Variants in INTS10 observed in about 807,000 individuals in gnomAD.
The protein encoded by INTS10 is integrator complex subunit 10.
In INTS10, 44 loss-of-function variants were observed where a neutral mutation model predicts 94.4. The ratio of observed to expected loss-of-function variants is 0.47; its 90% CI spans 0.37 to 0.60. The LOEUF (loss-of-function observed/expected upper bound fraction) is 0.60, where lower values mean the gene tolerates loss of function less well. Ranked by LOEUF, INTS10 falls within the 20% of genes least tolerant of loss-of-function variation. The probability of loss-of-function intolerance (pLI) is 0.00; values close to 1 mark genes in which losing one functional copy is unlikely to be tolerated. For missense variants in INTS10, 797 were observed against 868.7 expected, an observed-to-expected ratio of 0.92 and a Z score of 1.04; for synonymous variants, 341 against 320.7, an observed-to-expected ratio of 1.06 and a Z score of -0.68.
chr8:19,847,976 G>A (rs2068718194), intron 16 of INTS10, among the ~76,000 whole-genome samples: 1 of 152,204 alleles, frequency 6.6e-6, no homozygotes, highest in Admixed American at 6.5e-5. Context: ...AGTTTCATCA[G>A]TTTGGAAGCA....
chr8:19,849,323 A>G lies in INTS10; in HGVS notation c.1977-2326A>G, dbSNP rs1029365687. Reference sequence around the variant, plus strand: ...CATGGTTCTCAGCTCTTCGTTCCTCAGTGCTCTTTTTCATGCTTTCTTTCT... The same window carrying G: ...CATGGTTCTCAGCTCTTCGTTCCTCGGTGCTCTTTTTCATGCTTTCTTTCT... On this transcript the variant is annotated intron_variant, in intron 16 of 16. Coordinates refer to ENST00000397977, the MANE Select transcript of INTS10 (RefSeq NM_018142.4). This position sits in a 1 kb window ranked among gnomAD's most constrained non-coding sequence, Gnocchi z 4.6. 4.5e-5 allele frequency: 24 copies of G among 527,530 alleles called. No homozygotes were observed. The highest frequency in any genetic ancestry group is 1.5e-4 in the Admixed American group (5 of 32,644). The allele number at this position is 527,530 out of a possible 1,614,324, so 32.7% of individuals were successfully genotyped here. A position where few individuals can be genotyped will look rare whatever the true frequency, so the allele number is the denominator to read the frequency against.
chr8:19,844,511 C>T (rs2128807464), intron 15 of INTS10, among the ~76,000 whole-genome samples: 1 of 152,286 alleles, frequency 6.6e-6, no homozygotes, highest in East Asian at 1.9e-4. Context: ...CCAGTAATAG[C>T]CTACAGGTTG....
At chr8:19,825,966 G>T (rs1279657930) in intron 8 of INTS10, among the ~76,000 whole-genome samples, 1 of 152,130 alleles carries the variant, frequency 6.6e-6, no homozygotes, top group Non-Finnish European at 1.5e-5. Context: ...GCATATACTT[G>T]TTTGTTTACC....
At chr8:19,833,461 G>A in intron 12 of INTS10, 140 bp downstream of exon 12, 2 of 543,726 alleles carry the variant, frequency 3.7e-6, no homozygotes, top group Non-Finnish European at 2.8e-6. Flanking sequence ...TAATCTGCTA[G>A]TGAACATCAC....
At chr8:19,826,135 A>G (rs1052629961) in intron 8 of INTS10, among the ~76,000 whole-genome samples, 12 of 152,102 alleles carry the variant, frequency 7.9e-5, no homozygotes, top group Non-Finnish European at 1.6e-4. Context: ...GCTGGAGTGC[A>G]GTGGCGTGAT....
intron 5 of INTS10, among the ~76,000 whole-genome samples, 169 bp downstream of exon 5, chr8:19,822,689 C>T (rs551650068): frequency 3.6e-4 from 54 of 151,942 alleles, no homozygotes; most frequent in African/African-American, 1.2e-3. Flanking sequence ...CGGTGGCTCA[C>T]GCCTGTAATC....
Position 19,832,115 on chromosome 8 carries a change from A to G in INTS10, c.1377+5A>G, listed in dbSNP as rs377349159. 3.4e-6 allele frequency: 5 copies of G among 1,491,052 alleles called. No individual in the cohort carries two copies. In the African/African-American group the frequency reaches 5.5e-5, roughly 16 times the overall value. The allele number at this position is 1,491,052 out of a possible 1,614,324, so 92.4% of individuals were successfully genotyped here. On this transcript the variant is annotated splice_donor_5th_base_variant and intron_variant, in intron 11 of 16. Transcript: ENST00000397977. Reference sequence around the variant, plus strand: ...ACTGATATGATCATCTATCAGGTAGAGTATTATACATATTTTAGGTACCTG... The same window carrying G: ...ACTGATATGATCATCTATCAGGTAGGGTATTATACATATTTTAGGTACCTG...
chr8:19,832,249 G>T, intron 11 of INTS10, 139 bp downstream of exon 11: 1 of 618,802 alleles, frequency 1.6e-6, no homozygotes, highest in East Asian at 2.8e-5. Context: ...GTTTTCAGTG[G>T]CTGAGGGGGT....
At position 19,830,410 on chromosome 8, in the gene INTS10, C is replaced by T. The variant is rs752343124; in HGVS notation, c.1145C>T (p.Ser382Leu). 1.2e-6 allele frequency: 2 copies of T among 1,612,510 alleles called. No homozygotes were observed. Among genetic ancestry groups the T allele is most frequent in the Non-Finnish European group, 1.7e-6 (2 of 1,179,430 alleles). Residue 382 changes from serine to leucine, a missense_variant, in exon 10 of 17, where the codon TCA (serine) becomes TTA (leucine). Ser to Leu is a moderately radical substitution (Grantham distance 145). Coordinates refer to ENST00000397977, the MANE Select transcript of INTS10 (RefSeq NM_018142.4). ...TTCTCCACATTCTTTAAGCAGAGTT[C>T]AGACGATGAAGACTGTTCGGCGAAA... ...LAEGREKTMS[S>L]DDEDCSAKGR...
At chr8:19,850,605 T>G (rs1307797764) in intron 16 of INTS10, among the ~76,000 whole-genome samples, 1 of 152,208 alleles carries the variant, frequency 6.6e-6, no homozygotes, top group Non-Finnish European at 1.5e-5. Flanking sequence ...TTTAACACTT[T>G]TATCTTGCCC....
chr8:19,833,424 T>G, intron 12 of INTS10, 103 bp downstream of exon 12: 1 of 772,700 alleles, frequency 1.3e-6, no homozygotes, highest in East Asian at 3.3e-5. Flanking sequence ...TTATTTCAAT[T>G]TGATCTTTCT....
At chr8:19,837,312 A>G (rs2067741679) in intron 13 of INTS10, 152 bp downstream of exon 13, 2 of 605,798 alleles carry the variant, frequency 3.3e-6, no homozygotes, top group East Asian at 5.5e-5. Context: ...CAATGTAGTG[A>G]GACCCCATCT....
rs1306626565 is a variant in INTS10, at chr8:19,818,333, T to C, written c.188T>C (p.Leu63Pro). 1 of 1,614,166 alleles carries C rather than the reference T, an allele frequency of 6.2e-7. No homozygotes were observed. Reference protein sequence around the residue: ...AERTATAGRLLYDMFVNFPDQ... With the variant: ...AERTATAGRLPYDMFVNFPDQ... ...CGGACCGCCACCGCCGGGAGGCTGC[T>C]GTACGACATGTGAGTGGGACGCTTG... The change falls in exon 2 of 17, where the codon CTG becomes CCG. Residue 63 changes from leucine (L) to proline (P), a missense_variant. By Grantham distance (98) the Leu-to-Pro change is moderately conservative (BLOSUM62 -3). Transcript: ENST00000397977.
At chr8:19,840,712 G>A (rs943775572) in intron 13 of INTS10, among the ~76,000 whole-genome samples, 3 of 151,898 alleles carry the variant, frequency 2.0e-5, no homozygotes, top group African/African-American at 4.8e-5. Context: ...AGCAGATTAC[G>A]TTGTATATGT....
intron 6 of INTS10, 40 bp from the exon 7 acceptor site, chr8:19,823,833 C>T (rs774821121): frequency 6.0e-6 from 9 of 1,512,386 alleles, no homozygotes; most frequent in Non-Finnish European, 8.0e-6. Flanking sequence ...AACAGTAAGT[C>T]ATAATGTTAA....
In INTS10 at chr8:19,852,053, A is replaced by G; in HGVS notation, c.*248A>G. 2 of 325,380 alleles carry G rather than the reference A, an allele frequency of 6.1e-6. No homozygotes were observed. The highest frequency in any genetic ancestry group is 1.1e-5 in the Non-Finnish European group (2 of 178,662). 20.2% of individuals were successfully genotyped at this position (325,380 alleles called of 1,614,324 possible). On this transcript the variant is annotated 3_prime_UTR_variant, in exon 17 of 17. Coordinates refer to ENST00000397977, the MANE Select transcript of INTS10 (RefSeq NM_018142.4). ...CCAATCTGTTTTGTAAATAAAAATC[A>G]TCCTAAAATTTGAAGTTTTTAAAAA...
chr8:19,845,282 T>C (rs2128808833), intron 15 of INTS10: 1 of 161,676 alleles, frequency 6.2e-6, no homozygotes, highest in South Asian at 1.8e-4. Flanking sequence ...TTATGTTCTG[T>C]AACACCAAAG....
chr8:19,829,151 A>T (rs900066662), intron 9 of INTS10, among the ~76,000 whole-genome samples: 5 of 152,102 alleles, frequency 3.3e-5, no homozygotes, highest in Admixed American at 2.0e-4. Context: ...TATCATTATT[A>T]TACTTTAAGT....
At chr8:19,842,981 C>A in intron 14 of INTS10, 54 bp downstream of exon 14, 1 of 1,220,136 alleles carries the variant, frequency 8.2e-7, no homozygotes, top group Non-Finnish European at 1.2e-6. Context: ...ATATTATTCT[C>A]ATGACTCGAG....
Sources: gnomAD v4.1 joint callset for allele counts (sites outside exome capture counted in the v4.1 genomes callset) on GRCh38, gnomAD v4.1.1 for gene constraint, Gnocchi (gnomAD v3.1) non-coding constraint, MANE v1.5 for transcripts, NCBI Gene and HGNC (gene_info 2026-07-23, HGNC 2026-07-21) for gene names.